Variants in PUM3 observed in about 807,000 individuals in gnomAD.
PUM3 encodes the protein pumilio homolog 3.
A neutral mutation model predicts 84.0 loss-of-function variants in PUM3; 91 were observed. The ratio of observed to expected loss-of-function variants is 1.08; its 90% CI spans 0.91 to 1.29. PUM3 has a LOEUF of 1.29. PUM3 is among the 50% of genes most tolerant of loss of function. PUM3 has a pLI of 0.00. For synonymous variants in PUM3, 321 were observed against 266.7 expected (o/e 1.20, Z -1.98); for missense variants, 1,067 against 767.5 (o/e 1.39, Z -4.61).
intron 5 of PUM3, 120 bp downstream of exon 5, chr9:2,833,237 A>G: frequency 2.0e-6 from 1 of 501,810 alleles, no homozygotes. Context: ...GATATTTAAA[A>G]CTTTTGGCCA....
At chr9:2,843,531 C>T (rs113541477) in intron 1 of PUM3, among the ~76,000 whole-genome samples, 247 of 151,256 alleles carry the variant, frequency 1.6e-3, no homozygotes, top group African/African-American at 5.8e-3. Context: ...TAACCCGGCA[C>T]GCAGGGCAAC....
Position 2,837,187 on chromosome 9 carries a change from T to G in PUM3, c.297A>C (p.Arg99Ser), listed in dbSNP as rs1563836043. 2 of 1,614,016 alleles carry G rather than the reference T, an allele frequency of 1.2e-6. No individual in the cohort carries two copies. The highest frequency in any genetic ancestry group is 3.3e-5 in the Admixed American group (2 of 60,026). ...GAACGAACCAGTACTTACCATCGCTTCTACCATCTGGCTGGAATTTTCTCT... is the reference window on the plus strand; with the variant it reads ...GAACGAACCAGTACTTACCATCGCTGCTACCATCTGGCTGGAATTTTCTCT... ...NKKRKFQPDG[R>S]SDESAAKKPK... The change falls in exon 3 of 18, where the codon AGA becomes AGC. Residue 99 changes from arginine (R) to serine (S), a missense_variant. By Grantham distance (110) the Arg-to-Ser change is moderately radical (BLOSUM62 -1). Coordinates refer to ENST00000397885, the MANE Select transcript of PUM3 (RefSeq NM_014878.5).
In PUM3 at chr9:2,811,540, T is replaced by C. The variant is rs1821373298; in HGVS notation, c.1456A>G (p.Ile486Val). The change falls in exon 15 of 18, where the codon ATT becomes GTT. Residue 486 changes from isoleucine to valine, a missense_variant. By Grantham distance (29) the Ile-to-Val change is conservative. Coordinates refer to ENST00000397885, the MANE Select transcript of PUM3 (RefSeq NM_014878.5). Reference sequence around the variant, plus strand: ...AGGTAGCTTAACAAAGCTGGAGAAATGGATTCTAGGAGCTCCCGTCTGCGG... The same window carrying C: ...AGGTAGCTTAACAAAGCTGGAGAAACGGATTCTAGGAGCTCCCGTCTGCGG... Reference protein sequence around the residue: ...EVRRRELLESISPALLSYLQE... With the variant: ...EVRRRELLESVSPALLSYLQE... The C allele has an allele frequency of 6.2e-7, 1 of 1,614,020 alleles. No individual in the cohort carries two copies. Among genetic ancestry groups the C allele is most frequent in the Non-Finnish European group, 8.5e-7 (1 of 1,180,016 alleles).
intron 1 of PUM3, among the ~76,000 whole-genome samples, chr9:2,842,859 T>C (rs1011110253): frequency 6.6e-6 from 1 of 152,216 alleles, no homozygotes; most frequent in Non-Finnish European, 1.5e-5. Context: ...TATACTATTT[T>C]TCCCTGCCCT....
rs925989683 is a variant in PUM3, at chr9:2,837,322, C to T, written c.162G>A (p.Glu54=). The T allele has an allele frequency of 3.7e-6, 6 of 1,613,884 alleles. No homozygotes were observed. Among genetic ancestry groups the T allele is most frequent in the East Asian group, 4.5e-5 (2 of 44,882 alleles). The change falls in exon 3 of 18, where the codon GAG becomes GAA. Residue 54 remains glutamate (E), a synonymous_variant. Coordinates refer to ENST00000397885, the MANE Select transcript of PUM3 (RefSeq NM_014878.5). ...TTTTCCCAAGTTTTGTGATACTTTT[C>T]TCAAAGTTCCTAGATGTGACTTTAG... ...GGPKVTSRNF[E]KSITKLGKKG...
At chr9:2,808,321 G>GCCA (rs1389566158) in intron 16 of PUM3, among the ~76,000 whole-genome samples, 1 of 152,204 alleles carries the variant, frequency 6.6e-6, no homozygotes, top group Non-Finnish European at 1.5e-5. Flanking sequence ...CTCACAAGGT[G>GCCA]CCATGAACAT....
At chr9:2,807,967 C>G in intron 16 of PUM3, 63 bp from the exon 17 acceptor site, 1 of 981,046 alleles carries the variant, frequency 1.0e-6, no homozygotes, top group South Asian at 1.4e-5. Flanking sequence ...CTACCCCCTT[C>G]TCTACTGCCC....
chr9:2,844,085 A>C lies in PUM3; in HGVS notation c.-51T>G, dbSNP rs1816343846. On this transcript the variant is annotated 5_prime_UTR_variant, in exon 1 of 18. Transcript: ENST00000397885. ...GAGACAGCTCGCGCAGCGGATCCCG[A>C]CCGCCTCTCCGCTTCCGCTTCCTTG... The C allele has an allele frequency of 6.2e-6, 1 of 160,296 alleles. No homozygotes were observed. Among genetic ancestry groups the C allele is most frequent in the Admixed American group, 6.6e-5 (1 of 15,232 alleles). The allele number at this position is 160,296 out of a possible 1,614,324, so 9.9% of individuals were successfully genotyped here.
In PUM3 at chr9:2,815,073, T is replaced by C. The variant is rs182513535; in HGVS notation, c.1270-2711A>G. ...TGTGCTTAAATACTACTCAGACCAG[T>C]CCCCAAATTCATTGAACTTTACTCC... On this transcript the variant is annotated intron_variant, in intron 13 of 17. Transcript: ENST00000397885. Among the ~76,000 whole-genome samples the C allele has an allele frequency of 2.0e-3, 304 of 152,246 alleles. 2 individuals carry two copies. The highest frequency in any genetic ancestry group is 7.0e-3 in the African/African-American group (290 of 41,546).
In PUM3 at chr9:2,827,062, C is replaced by T. The variant is rs750968292; in HGVS notation, c.1035+11G>A. 1 of 1,601,330 alleles carries T rather than the reference C, an allele frequency of 6.2e-7. No individual in the cohort carries two copies. Among genetic ancestry groups the T allele is most frequent in the African/African-American group, 1.3e-5 (1 of 74,324 alleles). On this transcript the variant is annotated intron_variant, in intron 10 of 17. Transcript: ENST00000397885. ...CATGTTTTAGTTTAAAAACAAAAAC[C>T]AAGAACTTACTGATCTGAGTTTGGG...
intron 5 of PUM3, among the ~76,000 whole-genome samples, chr9:2,831,653 A>C (rs751337997): frequency 7.9e-5 from 12 of 152,152 alleles, no homozygotes; most frequent in Non-Finnish European, 1.8e-4. Context: ...TACAGACTAT[A>C]CTTCTCATTT....
chr9:2,837,619 GA>G (rs1563836326), intron 2 of PUM3, among the ~76,000 whole-genome samples: 1 of 151,986 alleles, frequency 6.6e-6, no homozygotes. Flanking sequence ...AGAGAGTAGA[GA>G]AATGTAAAAT....
In PUM3 at chr9:2,831,250, C is replaced by T; in HGVS notation, c.610+1G>A. 1 of 1,558,698 alleles carries T rather than the reference C, an allele frequency of 6.4e-7. No individual in the cohort carries two copies. Among genetic ancestry groups the T allele is most frequent in the Non-Finnish European group, 8.8e-7 (1 of 1,133,336 alleles). On this transcript the variant is annotated splice_donor_variant, in intron 6 of 17. Transcript: ENST00000397885. LOFTEE classifies it high-confidence loss of function. The stretch of plus-strand genomic sequence containing the variant: ...CATAATCTTTAGTATGTAATAAATA[C>T]CTCGCAATTCTTCAAAAGCCTGTTT...
intron 13 of PUM3, among the ~76,000 whole-genome samples, chr9:2,818,572 T>G (rs919030040): frequency 6.6e-6 from 1 of 152,188 alleles, no homozygotes; most frequent in Non-Finnish European, 1.5e-5. Flanking sequence ...TGAAACAACT[T>G]TATTCATCAG....
chr9:2,843,808 G>T (rs1297347241), intron 1 of PUM3, among the ~76,000 whole-genome samples: 1 of 151,844 alleles, frequency 6.6e-6, no homozygotes, highest in Non-Finnish European at 1.5e-5. Flanking sequence ...TCGATCTCCT[G>T]ACCTTGTGAT....
chr9:2,827,366 C>G (rs1039868424), intron 9 of PUM3, among the ~76,000 whole-genome samples: 1 of 152,122 alleles, frequency 6.6e-6, no homozygotes, highest in Non-Finnish European at 1.5e-5. Flanking sequence ...CAACCAAGAC[C>G]AGAGTATAAA....
At chr9:2,820,953 T>C (rs967103255) in intron 12 of PUM3, among the ~76,000 whole-genome samples, 3 of 152,194 alleles carry the variant, frequency 2.0e-5, no homozygotes, top group Admixed American at 2.0e-4. Context: ...ATCCTGGATG[T>C]TGATATAATT....
chr9:2,819,223 A>G (rs1334089449), intron 13 of PUM3, among the ~76,000 whole-genome samples: 3 of 152,232 alleles, frequency 2.0e-5, no homozygotes, highest in Admixed American at 2.0e-4. Flanking sequence ...AACAAAAGAA[A>G]AGACAATTGT....
intron 9 of PUM3, among the ~76,000 whole-genome samples, chr9:2,828,128 C>T (rs1815873468): frequency 6.6e-6 from 1 of 152,166 alleles, no homozygotes; most frequent in African/African-American, 2.4e-5. Context: ...CAGCCATGAC[C>T]TCCTGGGCTC....
Sources: gnomAD v4.1 joint callset for allele counts (sites outside exome capture counted in the v4.1 genomes callset) on GRCh38, gnomAD v4.1.1 for gene constraint, MANE v1.5 for transcripts, NCBI Gene and HGNC (gene_info 2026-07-23, HGNC 2026-07-21) for gene names.